The following CSMD1 variants were observed in gnomAD, a reference collection of about 807,000 sequenced individuals.
CSMD1 encodes CUB and Sushi multiple domains 1.
In CSMD1, 213 loss-of-function variants were observed where a neutral mutation model predicts 417.5. The observed-to-expected ratio is 0.51, with a 90% confidence interval of 0.46 to 0.57. CSMD1 has a LOEUF of 0.57. Ranked by LOEUF, CSMD1 falls within the 20% of genes least tolerant of loss-of-function variation. The pLI is 0.00. For missense variants in CSMD1, 6,923 were observed against 4,529.7 expected (o/e 1.53, Z -15.17); for synonymous variants, 2,862 against 1,736.8 (o/e 1.65, Z -16.11).
chr8:3,731,536 T>A (rs1053757509), intron 6 of CSMD1, among the ~76,000 whole-genome samples: 2 of 152,184 alleles, frequency 1.3e-5, no homozygotes, highest in Non-Finnish European at 1.5e-5. Context: ...GCAGCCAGTA[T>A]GGCTGGGGTG....
chr8:3,487,804 T>C (rs1165821131), intron 11 of CSMD1, among the ~76,000 whole-genome samples: 1 of 152,146 alleles, frequency 6.6e-6, no homozygotes, highest in Admixed American at 6.5e-5. Flanking sequence ...CCATGGAATA[T>C]TTTGTGATTT....
chr8:4,617,549 C>A (rs1239481755), intron 2 of CSMD1, among the ~76,000 whole-genome samples: 2 of 152,162 alleles, frequency 1.3e-5, no homozygotes, highest in Non-Finnish European at 2.9e-5. Context: ...GCTTCTGATT[C>A]CATCATGGTG....
intron 5 of CSMD1, among the ~76,000 whole-genome samples, chr8:3,973,579 A>C (rs189672459): frequency 3.9e-4 from 60 of 152,348 alleles, no homozygotes; most frequent in African/African-American, 1.4e-3. Flanking sequence ...GAATTTTAAA[A>C]AAGAAGGAAA....
intron 25 of CSMD1, among the ~76,000 whole-genome samples, chr8:3,304,356 C>A (rs939981076): frequency 1.3e-5 from 2 of 152,008 alleles, no homozygotes; most frequent in Non-Finnish European, 2.9e-5. Context: ...GACCAGACAC[C>A]ATTTTTTCTG....
At chr8:3,830,390 G>C (rs1026866733) in intron 5 of CSMD1, among the ~76,000 whole-genome samples, 2 of 152,152 alleles carry the variant, frequency 1.3e-5, no homozygotes, top group African/African-American at 4.8e-5. Context: ...GACGTTACCT[G>C]GACCGCTTCC....
chr8:3,457,995 G>T (rs189648267), intron 12 of CSMD1, among the ~76,000 whole-genome samples: 1 of 152,308 alleles, frequency 6.6e-6, no homozygotes, highest in East Asian at 1.9e-4. Flanking sequence ...AATTTCACAA[G>T]CTCTTTCATA....
At position 3,700,797 on chromosome 8, in the gene CSMD1, G is replaced by C. The variant is rs7842862; in HGVS notation, c.1009+7617C>G. ...CAAGAGGACCAGGATGCAAGGGTGG[G>C]AGCAAAGGAGTTCTTTGGGTCTTCA... On this transcript the variant is annotated intron_variant, in intron 7 of 69. Coordinates refer to ENST00000635120, the MANE Select transcript of CSMD1 (RefSeq NM_033225.6). Among the ~76,000 whole-genome samples, 352 of 152,252 alleles carry C rather than the reference G, an allele frequency of 2.3e-3. 2 individuals are homozygous for C. The highest frequency in any genetic ancestry group is 8.0e-3 in the African/African-American group (333 of 41,544).
chr8:4,362,086 G>T lies in CSMD1; in HGVS notation c.415+57867C>A, dbSNP rs963980074. Among the ~76,000 whole-genome samples, 3 of 152,142 alleles carry T rather than the reference G, an allele frequency of 2.0e-5. No homozygotes were observed. In the East Asian group the frequency reaches 5.8e-4, roughly 29 times the overall value. On this transcript the variant is annotated intron_variant, in intron 3 of 69. Transcript: ENST00000635120. ...AAATAAAGGCTGAGATAATTTAATT[G>T]ATATACAAATGAGAACAGAATTACA...
intron 1 of CSMD1, among the ~76,000 whole-genome samples, chr8:4,850,914 A>C (rs12541042): frequency 0.23 from 30,209 of 131,752 alleles, 3,859 homozygotes; most frequent in Non-Finnish European, 0.31. Context: ...TTGCCCCCCC[A>C]CTTTTTGTGG....
intron 3 of CSMD1, among the ~76,000 whole-genome samples, chr8:4,262,619 A>G (rs1803966462): frequency 6.6e-6 from 1 of 152,100 alleles, no homozygotes; most frequent in African/African-American, 2.4e-5. Flanking sequence ...GGAGCTTCAA[A>G]CAGCCATCGC....
intron 2 of CSMD1, among the ~76,000 whole-genome samples, chr8:4,579,803 G>C (rs1449273305): frequency 1.3e-5 from 2 of 152,008 alleles, no homozygotes; most frequent in African/African-American, 2.4e-5. Flanking sequence ...TGGCTTACTT[G>C]TGTTCCATGT....
At chr8:3,829,111 A>AGTTTAGTGGGT (rs1396709462) in intron 5 of CSMD1, among the ~76,000 whole-genome samples, 1 of 151,856 alleles carries the variant, frequency 6.6e-6, no homozygotes, top group East Asian at 1.9e-4. Context: ...GTTTTATGAG[A>AGTTTAGTGGGT]ACCTGGTGCA....
chr8:3,721,716 T>C (rs1044885436), intron 6 of CSMD1, among the ~76,000 whole-genome samples: 5 of 152,132 alleles, frequency 3.3e-5, no homozygotes, highest in Non-Finnish European at 4.4e-5. Context: ...TAAATGAAAG[T>C]TAATGGGGTG....
intron 5 of CSMD1, among the ~76,000 whole-genome samples, chr8:3,801,164 G>C (rs1402497260): frequency 6.6e-6 from 1 of 151,622 alleles, no homozygotes; most frequent in Non-Finnish European, 1.5e-5. Flanking sequence ...ATACCACCAA[G>C]AAAAGATAGT....
chr8:4,344,289 G>C (rs891968371), intron 3 of CSMD1, among the ~76,000 whole-genome samples: 1 of 152,060 alleles, frequency 6.6e-6, no homozygotes, highest in Non-Finnish European at 1.5e-5. Context: ...TCTGTCATGT[G>C]TCTAGTTTAA....
chr8:4,171,301 C>T (rs746237423), intron 3 of CSMD1, among the ~76,000 whole-genome samples: 5 of 151,892 alleles, frequency 3.3e-5, no homozygotes, highest in Admixed American at 6.5e-5. Flanking sequence ...AGCAACCCTA[C>T]GCCAGGCTGT....
intron 3 of CSMD1, among the ~76,000 whole-genome samples, chr8:4,188,507 A>T (rs1317847289): frequency 6.6e-6 from 1 of 152,182 alleles, no homozygotes; most frequent in Non-Finnish European, 1.5e-5. Flanking sequence ...GTCACAAAAG[A>T]TGACTTGCAA....
At position 4,190,281 on chromosome 8, in the gene CSMD1, G is replaced by C. The variant is rs566094288; in HGVS notation, c.416-158182C>G. ...AAAAAAAAAAAAAAAAAAAAGCAGAGACTCTGGGTCTGGTCTAGTTTTACT... is the reference window on the plus strand; with the variant it reads ...AAAAAAAAAAAAAAAAAAAAGCAGACACTCTGGGTCTGGTCTAGTTTTACT... On this transcript the variant is annotated intron_variant, in intron 3 of 69. Transcript: ENST00000635120. Among the ~76,000 whole-genome samples the C allele has an allele frequency of 2.6e-4, 37 of 141,582 alleles. 1 individual carries two copies. The East Asian group carries it at 6.2e-3, about 24-fold the overall frequency. The allele number at this position is 141,582 out of a possible 152,430, so 92.9% of individuals were successfully genotyped here. A position where few individuals can be genotyped will look rare whatever the true frequency, so the allele number is the denominator to read the frequency against.
At position 2,938,531 on chromosome 8, in the gene CSMD1, C is replaced by G; in HGVS notation, c.*54G>C. ...GTGGTATATGGCACCAAAGGAATCA[C>G]TGCTTGTCCATCAGAGGTATGGCTA... On this transcript the variant is annotated 3_prime_UTR_variant, in exon 70 of 70. Coordinates refer to ENST00000635120, the MANE Select transcript of CSMD1 (RefSeq NM_033225.6). 1 of 1,542,142 alleles carries G rather than the reference C, an allele frequency of 6.5e-7. No homozygotes were observed. The highest frequency in any genetic ancestry group is 8.8e-7 in the Non-Finnish European group (1 of 1,133,840).
Sources: allele counts gnomAD v4.1 joint callset (sites outside exome capture counted in the v4.1 genomes callset), GRCh38; gene constraint gnomAD v4.1.1; transcripts MANE v1.5; gene names NCBI Gene and HGNC (gene_info 2026-07-23, HGNC 2026-07-21).